The following AKAP13 variants were observed in gnomAD, a reference collection of about 807,000 sequenced individuals.
AKAP13 encodes the protein A-kinase anchor protein 13.
In AKAP13, 80 loss-of-function variants were observed where a neutral mutation model predicts 264.5. That is an observed-to-expected ratio of 0.30 (90% CI 0.25 to 0.36). The LOEUF is 0.36. Ranked by LOEUF, AKAP13 falls within the 10% of genes least tolerant of loss-of-function variation. AKAP13 has a pLI of 1.00. For synonymous variants in AKAP13, 1,380 were observed against 1,250.2 expected (o/e 1.10, Z -2.19); for missense variants, 3,712 against 3,435.2 (o/e 1.08, Z -2.01).
At chr15:85,615,516 G>A (rs1286345580) in intron 8 of AKAP13, among the ~76,000 whole-genome samples, 2 of 152,134 alleles carry the variant, frequency 1.3e-5, no homozygotes, top group African/African-American at 4.8e-5. Context: ...TATTATCTAA[G>A]CAGACAGGAG....
chr15:85,666,167 C>T (rs538953833), intron 13 of AKAP13, among the ~76,000 whole-genome samples: 115 of 152,336 alleles, frequency 7.5e-4, no homozygotes, highest in African/African-American at 2.7e-3. Flanking sequence ...TCCTATCTCT[C>T]CATATCCTCT....
Position 85,553,767 on chromosome 15 carries a change from C to T in AKAP13, c.662+9812C>T, listed in dbSNP as rs551259273. ...TGCACAGCAAGAGGTGAGTGTCAGG[C>T]GGGCGAGCGAGCATTACCACCTGAG... On this transcript the variant is annotated intron_variant, in intron 5 of 36. Transcript: ENST00000394518. Among the ~76,000 whole-genome samples the T allele has an allele frequency of 1.7e-4, 26 of 152,302 alleles. No individual in the cohort carries two copies. The South Asian group carries it at 4.1e-3, about 24-fold the overall frequency.
At chr15:85,626,554 C>T (rs1567162502) in intron 8 of AKAP13, among the ~76,000 whole-genome samples, 2 of 152,182 alleles carry the variant, frequency 1.3e-5, no homozygotes, top group African/African-American at 4.8e-5. Flanking sequence ...AAGGTTCATC[C>T]ATATTATAGC....
intron 30 of AKAP13, 30 bp downstream of exon 30, chr15:85,730,737 C>T (rs1324548907): frequency 1.9e-6 from 3 of 1,583,060 alleles, no homozygotes; most frequent in Admixed American, 1.7e-5. Flanking sequence ...GCCCCCTCTT[C>T]ATCTACTCCC....
At position 85,581,960 on chromosome 15, in the gene AKAP13, G is replaced by T. The variant is rs1485607198; in HGVS notation, c.3892G>T (p.Glu1298Ter). The T allele has an allele frequency of 6.2e-7, 1 of 1,614,138 alleles. No individual in the cohort carries two copies. Residue 1298 changes from glutamate (E) to a stop codon, truncating the protein, a stop_gained, in exon 7 of 37, where the codon GAA (glutamate) becomes TAA (stop). Transcript: ENST00000394518. LOFTEE classifies it high-confidence loss of function. ...TAAAGGACTAGAGAGTGCTTTTACA[G>T]AAAAAGTGAGTACTTTCCCACCTGG... is the stretch of plus-strand genomic sequence containing the variant. ...LTKGLESAFT[E>*]KVSTFPPGES...
chr15:85,719,517 G>A (rs2087149590), intron 23 of AKAP13, among the ~76,000 whole-genome samples, 191 bp downstream of exon 23: 1 of 152,118 alleles, frequency 6.6e-6, no homozygotes, highest in African/African-American at 2.4e-5. Flanking sequence ...CTCTCCTAAT[G>A]TTATTTTGGA....
At chr15:85,701,636 G>T (rs1462642637) in intron 17 of AKAP13, among the ~76,000 whole-genome samples, 1 of 137,918 alleles carries the variant, frequency 7.3e-6, no homozygotes. Context: ...TAGAGTTGGG[G>T]TTTCACCATA....
At chr15:85,526,049 T>C (rs970386330) in intron 3 of AKAP13, among the ~76,000 whole-genome samples, 1 of 152,222 alleles carries the variant, frequency 6.6e-6, no homozygotes, top group African/African-American at 2.4e-5. Flanking sequence ...CAAACCTTTA[T>C]TGACTCCAAA....
intron 17 of AKAP13, among the ~76,000 whole-genome samples, chr15:85,698,465 CAAA>C (rs35509705): frequency 3.8e-5 from 4 of 103,964 alleles, no homozygotes; most frequent in Non-Finnish European, 5.5e-5. Flanking sequence ...ACTCTGTCTC[CAAA>C]AAAAAAAAAA....
chr15:85,431,794 A>G (rs902988345), intron 1 of AKAP13, among the ~76,000 whole-genome samples: 4 of 151,338 alleles, frequency 2.6e-5, no homozygotes, highest in African/African-American at 7.3e-5. Context: ...ATGAAACTCA[A>G]TTAGATGGTA....
At chr15:85,568,355 T>C (rs937933926) in intron 5 of AKAP13, among the ~76,000 whole-genome samples, 8 of 151,636 alleles carry the variant, frequency 5.3e-5, no homozygotes, top group African/African-American at 1.9e-4. Context: ...AGGGGAAAGA[T>C]CCTATGTCCA....
intron 2 of AKAP13, among the ~76,000 whole-genome samples, chr15:85,488,361 TAGAG>T (rs1567083564): frequency 6.6e-6 from 1 of 152,216 alleles, no homozygotes; most frequent in Non-Finnish European, 1.5e-5. Context: ...TGTCTATACA[TAGAG>T]ATATGTTCTA....
At chr15:85,662,366 C>T (rs1450765535) in intron 12 of AKAP13, 1 of 1,613,704 alleles carries the variant, frequency 6.2e-7, no homozygotes, top group Non-Finnish European at 8.5e-7. Context: ...ATTTCTGTTT[C>T]TGTCTTTGAT....
At chr15:85,599,140 G>A (rs1364001649) in intron 8 of AKAP13, among the ~76,000 whole-genome samples, 2 of 152,160 alleles carry the variant, frequency 1.3e-5, no homozygotes, top group African/African-American at 4.8e-5. Context: ...AAGCTCAGTG[G>A]ATTGTTTTTC....
intron 1 of AKAP13, among the ~76,000 whole-genome samples, chr15:85,456,530 C>A (rs1316215574): frequency 6.7e-6 from 1 of 148,990 alleles, no homozygotes; most frequent in African/African-American, 2.5e-5. Flanking sequence ...AGGCAGTGTT[C>A]CCAGAGTAGC....
At chr15:85,737,208 C>G (rs922218360) in intron 33 of AKAP13, among the ~76,000 whole-genome samples, 1 of 152,112 alleles carries the variant, frequency 6.6e-6, no homozygotes, top group Non-Finnish European at 1.5e-5. Flanking sequence ...GCATGAGCCA[C>G]CGCGCCCAGC....
At chr15:85,597,149 G>A (rs2079855117) in intron 8 of AKAP13, among the ~76,000 whole-genome samples, 1 of 152,158 alleles carries the variant, frequency 6.6e-6, no homozygotes, top group Non-Finnish European at 1.5e-5. Context: ...ATAACTATGG[G>A]AATCCAAAAT....
intron 8 of AKAP13, among the ~76,000 whole-genome samples, chr15:85,599,753 G>C (rs993219362): frequency 6.6e-6 from 1 of 152,144 alleles, no homozygotes; most frequent in Non-Finnish European, 1.5e-5. Context: ...TATTATCTCT[G>C]GGCTGGGTGA....
At chr15:85,589,503 T>C (rs1355439128) in intron 8 of AKAP13, among the ~76,000 whole-genome samples, 5 of 151,850 alleles carry the variant, frequency 3.3e-5, no homozygotes, top group Non-Finnish European at 4.4e-5. Flanking sequence ...TGCCTGTAAT[T>C]CTGCCACTTT....
Sources: gnomAD v4.1 joint callset for allele counts (sites outside exome capture counted in the v4.1 genomes callset) on GRCh38, gnomAD v4.1.1 for gene constraint, MANE v1.5 for transcripts, NCBI Gene and HGNC (gene_info 2026-07-23, HGNC 2026-07-21) for gene names.